Variants in MX1 observed in about 807,000 individuals in gnomAD.
MX1 encodes MX dynamin like GTPase 1.
In MX1, 66 loss-of-function variants were observed where a neutral mutation model predicts 66.4. That is an observed-to-expected ratio of 0.99 (90% confidence interval 0.82 to 1.22). The LOEUF is 1.22. MX1 is among the 50% of genes most tolerant of loss of function. MX1 has a pLI of 0.00. For missense variants in MX1, 787 were observed against 834.3 expected, an observed-to-expected ratio of 0.94 and a Z score of 0.70; for synonymous variants, 311 against 318.1, an observed-to-expected ratio of 0.98 and a Z score of 0.24.
At chr21:41,448,357 C>CGACACAT (rs2090722935) in intron 13 of MX1, among the ~76,000 whole-genome samples, 2 of 152,176 alleles carry the variant, frequency 1.3e-5, no homozygotes. Flanking sequence ...GCAATACTTT[C>CGACACAT]GACACATGAA....
chr21:41,424,633 T>A (rs2090028877), upstream of MX1, among the ~76,000 whole-genome samples: 2 of 152,072 alleles, frequency 1.3e-5, no homozygotes, highest in African/African-American at 4.8e-5. Context: ...AAATGCCATC[T>A]CCCACTCACA....
At chr21:41,456,942 A>T (rs989588797) in intron 16 of MX1, among the ~76,000 whole-genome samples, 2 of 152,082 alleles carry the variant, frequency 1.3e-5, no homozygotes, top group Non-Finnish European at 2.9e-5. Flanking sequence ...TTGTTTTTTC[A>T]GTAGAGACGG....
chr21:41,429,249 A>G (rs1395142672), intron 3 of MX1: 2 of 152,204 alleles, frequency 1.3e-5, no homozygotes, highest in African/African-American at 4.8e-5. Context: ...CTGAAATCCA[A>G]ACTGATGTTC....
intron 10 of MX1, 52 bp from the exon 11 acceptor site, chr21:41,443,736 A>G (rs2090580900): frequency 6.4e-7 from 1 of 1,563,670 alleles, no homozygotes; most frequent in Admixed American, 1.7e-5. Flanking sequence ...AAAGGCAGAC[A>G]TGCGTGTTCT....
Position 41,451,162 on chromosome 21 carries a change from A to T in MX1, c.1433-5A>T, listed in dbSNP as rs924459874. The T allele has an allele frequency of 6.2e-7, 1 of 1,600,064 alleles. No homozygotes were observed. Among genetic ancestry groups the T allele is most frequent in the Non-Finnish European group, 8.6e-7 (1 of 1,168,690 alleles). On this transcript the variant is annotated splice_polypyrimidine_tract_variant and splice_region_variant and intron_variant, in intron 14 of 16. Transcript: ENST00000398598. Reference sequence around the variant, plus strand: ...ATATTGAACTATTTTTCTCTCTTTGATTAGATATGGTCCGGCTTGCTTTCA... The same window carrying T: ...ATATTGAACTATTTTTCTCTCTTTGTTTAGATATGGTCCGGCTTGCTTTCA...
chr21:41,421,667 G>C (rs535557850), upstream of MX1, among the ~76,000 whole-genome samples: 1 of 152,334 alleles, frequency 6.6e-6, no homozygotes, highest in East Asian at 1.9e-4. Context: ...TTAACCCTGA[G>C]TGGACACAGC....
intron 6 of MX1, among the ~76,000 whole-genome samples, chr21:41,436,241 C>T (rs1418800118): frequency 1.3e-5 from 2 of 152,246 alleles, no homozygotes; most frequent in African/African-American, 4.8e-5. Context: ...CACACACAAG[C>T]ATCTCTGCTG....
Position 41,452,872 on chromosome 21 carries a change from A to G in MX1, c.1758+3A>G. The stretch of plus-strand genomic sequence containing the variant: ...AGCACCTGATGGCCTATCACCAGGT[A>G]CGTCTTCGCGTGGTTCAGGATGCCA... On this transcript the variant is annotated splice_donor_region_variant and intron_variant, in intron 16 of 16. Transcript: ENST00000398598. 1 of 1,613,882 alleles carries G rather than the reference A, an allele frequency of 6.2e-7. No individual in the cohort carries two copies. Among genetic ancestry groups the G allele is most frequent in the Admixed American group, 1.7e-5 (1 of 59,992 alleles).
At chr21:41,450,572 A>G (rs892964544) in intron 14 of MX1, among the ~76,000 whole-genome samples, 3 of 152,166 alleles carry the variant, frequency 2.0e-5, no homozygotes, top group Non-Finnish European at 4.4e-5. Context: ...CTCATTCCAG[A>G]GGAAAGTTTA....
At chr21:41,421,680 A>C (rs555471900), upstream of MX1, among the ~76,000 whole-genome samples, 27 of 152,352 alleles carry the variant, frequency 1.8e-4, no homozygotes, top group Admixed American at 1.6e-3. Context: ...GACACAGCAC[A>C]TGTTTCAGAG....
rs748121554 is a variant in MX1 at position 41,432,030 on chromosome 21, G to C, written c.-21-20G>C. Reference sequence around the variant, plus strand: ...CACCCAGCTGCTTATCTGTTCAATAGGCATCTGCTTTATTTTAAGCTTACT... The same window carrying C: ...CACCCAGCTGCTTATCTGTTCAATACGCATCTGCTTTATTTTAAGCTTACT... On this transcript the variant is annotated intron_variant, in intron 4 of 16. Coordinates refer to ENST00000398598, the MANE Select transcript of MX1 (RefSeq NM_002462.5). 2 of 1,589,332 alleles carry C rather than the reference G, an allele frequency of 1.3e-6. No individual in the cohort carries two copies. Among genetic ancestry groups the C allele is most frequent in the Non-Finnish European group, 1.7e-6 (2 of 1,159,364 alleles).
At chr21:41,431,753 C>T (rs574031037) in intron 4 of MX1, 6 of 279,166 alleles carry the variant, frequency 2.1e-5, no homozygotes, top group East Asian at 1.8e-4. Context: ...AGATTACAGG[C>T]GTGAGCCCCG....
chr21:41,424,262 T>TG (rs1568960663), upstream of MX1, among the ~76,000 whole-genome samples: 35 of 144,232 alleles, frequency 2.4e-4, no homozygotes, highest in African/African-American at 7.8e-4. Flanking sequence ...TGTGTGTGTG[T>TG]TAAAGTGAGG....
intron 10 of MX1, among the ~76,000 whole-genome samples, chr21:41,442,439 A>C (rs2090547093): frequency 1.3e-5 from 2 of 152,236 alleles, no homozygotes; most frequent in Admixed American, 1.3e-4. Context: ...GTTAAATATT[A>C]AGAGGAAGCA....
At chr21:41,432,392 G>T (rs1034233424) in intron 5 of MX1, among the ~76,000 whole-genome samples, 1 of 152,240 alleles carries the variant, frequency 6.6e-6, no homozygotes, top group Admixed American at 6.5e-5. Context: ...TGGGGTTGGG[G>T]ACACTGGCTG....
At chr21:41,440,528 A>G (rs767640755) in intron 8 of MX1, among the ~76,000 whole-genome samples, 2 of 152,186 alleles carry the variant, frequency 1.3e-5, no homozygotes, top group Non-Finnish European at 2.9e-5. Flanking sequence ...GTATAATGAT[A>G]TTTTAGTATC....
intron 15 of MX1, among the ~76,000 whole-genome samples, chr21:41,451,858 A>AAAAAAAG (rs1568995101): frequency 1.4e-5 from 2 of 138,222 alleles, no homozygotes; most frequent in Non-Finnish European, 1.5e-5. Flanking sequence ...AAAACAAACA[A>AAAAAAAG]AAAAACTTTC....
chr21:41,453,134 C>T (rs1034978062), intron 16 of MX1, among the ~76,000 whole-genome samples: 1 of 152,166 alleles, frequency 6.6e-6, no homozygotes, highest in African/African-American at 2.4e-5. Flanking sequence ...AGGCAATGGG[C>T]ACTTCTTACC....
intron 6 of MX1, among the ~76,000 whole-genome samples, chr21:41,436,556 C>A (rs1272348918): frequency 6.6e-6 from 1 of 152,252 alleles, no homozygotes; most frequent in Admixed American, 6.5e-5. Context: ...ACGGGTCTTG[C>A]AATACAGATC....
Sources: gnomAD v4.1 joint callset for allele counts (sites outside exome capture counted in the v4.1 genomes callset) on GRCh38, gnomAD v4.1.1 for gene constraint, MANE v1.5 for transcripts, NCBI Gene and HGNC (gene_info 2026-07-23, HGNC 2026-07-21) for gene names.